PLEKHA7: variants seen among roughly 807,000 people sequenced by gnomAD.
The protein encoded by PLEKHA7 is pleckstrin homology domain containing A7.
In PLEKHA7, 104 loss-of-function variants were observed where a neutral mutation model predicts 170.0. The ratio of observed to expected loss-of-function variants is 0.61; its 90% CI spans 0.52 to 0.72. The LOEUF is 0.72. Ranked by LOEUF, PLEKHA7 falls within the 30% of genes least tolerant of loss-of-function variation. The probability of loss-of-function intolerance (pLI) is 0.00; values close to 1 mark genes in which losing one functional copy is unlikely to be tolerated. For missense variants in PLEKHA7, 1,615 were observed against 1,671.7 expected, an observed-to-expected ratio of 0.97 and a Z score of 0.59; for synonymous variants, 648 against 660.8, an observed-to-expected ratio of 0.98 and a Z score of 0.30.
intron 3 of PLEKHA7, among the ~76,000 whole-genome samples, chr11:16,919,376 C>G (rs1858922512): frequency 6.6e-6 from 1 of 152,086 alleles, no homozygotes; most frequent in African/African-American, 2.4e-5. Flanking sequence ...TCAGTTTTCT[C>G]CAGTAAGAAA....
At chr11:16,923,185 T>C (rs1004232819) in intron 3 of PLEKHA7, among the ~76,000 whole-genome samples, 1 of 152,226 alleles carries the variant, frequency 6.6e-6, no homozygotes, top group Admixed American at 6.5e-5. Flanking sequence ...GGCTGGGCCA[T>C]TATCCACAAA....
At position 16,980,915 on chromosome 11, in the gene PLEKHA7, G is replaced by T. The variant is rs565155304; in HGVS notation, c.221+33074C>A. On this transcript the variant is annotated intron_variant, in intron 3 of 26. Transcript: ENST00000531066. ...AAACAACAACAAACCAGCAAGATAC[G>T]GCCCAATGATGAAGGGTCTCACATA... Among the ~76,000 whole-genome samples, 446 of 132,282 alleles carry T rather than the reference G, an allele frequency of 3.4e-3. 2 individuals carry two copies. Among genetic ancestry groups the T allele is most frequent in the Middle Eastern group, 0.025 (6 of 242 alleles). The allele number at this position is 132,282 out of a possible 152,430, so 86.8% of individuals were successfully genotyped here.
At chr11:16,860,779 G>C (rs1853882330) in intron 4 of PLEKHA7, among the ~76,000 whole-genome samples, 1 of 152,164 alleles carries the variant, frequency 6.6e-6, no homozygotes, top group African/African-American at 2.4e-5. Context: ...CCAACCCCCA[G>C]GTCAAGGAAA....
chr11:16,941,998 T>C (rs536665784), intron 3 of PLEKHA7, among the ~76,000 whole-genome samples: 2 of 152,342 alleles, frequency 1.3e-5, no homozygotes, highest in East Asian at 3.9e-4. Context: ...GCATAAATAT[T>C]GCTAACTGAA....
intron 3 of PLEKHA7, among the ~76,000 whole-genome samples, chr11:16,881,957 C>T (rs1855746802): frequency 1.3e-5 from 2 of 152,088 alleles, no homozygotes; most frequent in South Asian, 2.1e-4. Context: ...GGTCTGAAAA[C>T]GAGAAGGGCA....
At chr11:16,813,612 G>A (rs1849535358) in intron 12 of PLEKHA7, among the ~76,000 whole-genome samples, 1 of 152,168 alleles carries the variant, frequency 6.6e-6, no homozygotes, top group Admixed American at 6.5e-5. Flanking sequence ...CACTGGTGTG[G>A]GTGGATGCCT....
chr11:16,840,528 C>T (rs890474249), intron 9 of PLEKHA7, among the ~76,000 whole-genome samples: 1 of 152,178 alleles, frequency 6.6e-6, no homozygotes, highest in African/African-American at 2.4e-5. Context: ...CCATTGCACT[C>T]CAGCCTGGGT....
Position 16,826,569 on chromosome 11 carries a change from C to T in PLEKHA7, c.894G>A (p.Arg298=), listed in dbSNP as rs1419758034. Residue 298 remains arginine, a synonymous_variant, in exon 10 of 27, where the codon CGG becomes CGA. Transcript: ENST00000531066. ...SLKRDMEKVE[R]QAVPQANHTE... The stretch of plus-strand genomic sequence containing the variant: ...TGTGGTTGGCCTGGGGGACAGCCTG[C>T]CGCTCCACCTTCTCCATATCCCTGC... 6.2e-7 allele frequency: 1 copy of T among 1,613,432 alleles called. No homozygotes were observed. The highest frequency in any genetic ancestry group is 1.3e-5 in the African/African-American group (1 of 75,066).
chr11:16,949,633 T>C (rs1861278141), intron 3 of PLEKHA7, among the ~76,000 whole-genome samples: 1 of 152,206 alleles, frequency 6.6e-6, no homozygotes, highest in South Asian at 2.1e-4. Flanking sequence ...CATTCCAATG[T>C]CTGTCTGCCC....
chr11:16,884,450 T>C (rs1372459860), intron 3 of PLEKHA7, among the ~76,000 whole-genome samples: 3 of 152,194 alleles, frequency 2.0e-5, no homozygotes, highest in African/African-American at 7.2e-5. Context: ...CTGGCCAACA[T>C]GGTGAAACCC....
At chr11:16,947,236 G>C (rs1262366523) in intron 3 of PLEKHA7, among the ~76,000 whole-genome samples, 1 of 152,208 alleles carries the variant, frequency 6.6e-6, no homozygotes. Context: ...CTTGTACACT[G>C]TTGGTGGGAA....
At chr11:16,907,470 G>A (rs1364132418) in intron 3 of PLEKHA7, among the ~76,000 whole-genome samples, 5 of 119,722 alleles carry the variant, frequency 4.2e-5, no homozygotes, top group East Asian at 4.8e-4. Flanking sequence ...TGGGAAGTAA[G>A]GAGCCCCTCT....
chr11:16,866,465 A>AC (rs1854402343), intron 4 of PLEKHA7, among the ~76,000 whole-genome samples: 1 of 152,068 alleles, frequency 6.6e-6, no homozygotes, highest in South Asian at 2.1e-4. Flanking sequence ...GGTGGCGGGC[A>AC]CCTGTAATCC....
At chr11:16,801,917 C>A in intron 15 of PLEKHA7, 100 bp from the exon 16 acceptor site, 3 of 1,449,162 alleles carry the variant, frequency 2.1e-6, no homozygotes. Flanking sequence ...CTAACCAAGG[C>A]CGAAGGGATC....
intron 3 of PLEKHA7, among the ~76,000 whole-genome samples, chr11:16,989,166 C>T (rs1450259318): frequency 6.6e-6 from 1 of 152,228 alleles, no homozygotes; most frequent in Non-Finnish European, 1.5e-5. Context: ...AAAACCAAAA[C>T]CCCTTTGTCC....
At chr11:16,908,783 A>C (rs530320127) in intron 3 of PLEKHA7, among the ~76,000 whole-genome samples, 1 of 152,238 alleles carries the variant, frequency 6.6e-6, no homozygotes, top group Non-Finnish European at 1.5e-5. Context: ...GGCATGAGCC[A>C]CCGCGCCCAG....
chr11:17,012,851 G>T (rs1038354914), intron 3 of PLEKHA7, among the ~76,000 whole-genome samples: 1 of 152,192 alleles, frequency 6.6e-6, no homozygotes, highest in African/African-American at 2.4e-5. Context: ...TAGAACCGCA[G>T]CAAGGCCCTA....
chr11:16,994,195 T>C lies in PLEKHA7; in HGVS notation c.221+19794A>G, dbSNP rs12289440. ...CAAGGCCACCAGGTGACAGGACTTC[T>C]GTGCACTGTGCAAAGCTGCGAGGAG... is the stretch of plus-strand genomic sequence containing the variant. On this transcript the variant is annotated intron_variant, in intron 3 of 26. Coordinates refer to ENST00000531066, the MANE Select transcript of PLEKHA7 (RefSeq NM_001329630.2). 3.8e-3 allele frequency among the ~76,000 whole-genome samples: 576 copies of C among 152,312 alleles called. 5 individuals are homozygous for C. The highest frequency in any genetic ancestry group is 0.013 in the African/African-American group (552 of 41,574).
intron 24 of PLEKHA7, among the ~76,000 whole-genome samples, chr11:16,785,923 G>A (rs1202963877): frequency 6.6e-6 from 1 of 152,128 alleles, no homozygotes; most frequent in Non-Finnish European, 1.5e-5. Flanking sequence ...GGCTTTGATC[G>A]CTAAACCTCC....
Sources: gnomAD v4.1 joint callset for allele counts (sites outside exome capture counted in the v4.1 genomes callset) on GRCh38, gnomAD v4.1.1 for gene constraint, MANE v1.5 for transcripts, NCBI Gene and HGNC (gene_info 2026-07-23, HGNC 2026-07-21) for gene names.